EML1: variants seen among roughly 807,000 people sequenced by gnomAD.
EML1 encodes echinoderm microtubule-associated protein-like 1.
EML1 carries 27 observed loss-of-function variants against 110.4 expected under a neutral mutation model. The observed-to-expected ratio is 0.24, with a 90% CI of 0.18 to 0.34. The LOEUF is 0.34. EML1 is among the 10% of genes least tolerant of loss of function. The probability of loss-of-function intolerance (pLI) is 1.00; values close to 1 mark genes in which losing one functional copy is unlikely to be tolerated. For synonymous variants in EML1, 344 were observed against 385.8 expected (o/e 0.89, Z 1.27); for missense variants, 741 against 1,030.9 (o/e 0.72, Z 3.85).
chr14:99,758,471 G>T (rs977648939), intron 1 of EML1, among the ~76,000 whole-genome samples: 1 of 152,174 alleles, frequency 6.6e-6, no homozygotes, highest in African/African-American at 2.4e-5. Flanking sequence ...TGTGCAGCCT[G>T]GGGGTTCAGG....
intron 1 of EML1, among the ~76,000 whole-genome samples, chr14:99,820,616 G>A (rs1045484212): frequency 6.6e-6 from 1 of 152,204 alleles, no homozygotes; most frequent in South Asian, 2.1e-4. Context: ...TTATCCCAAT[G>A]TACTTTTTCT....
At chr14:99,883,934 T>C (rs1348346706) in intron 4 of EML1, among the ~76,000 whole-genome samples, 2 of 152,222 alleles carry the variant, frequency 1.3e-5, no homozygotes, top group Non-Finnish European at 2.9e-5. Flanking sequence ...AATGAATCTT[T>C]TTGCCCTGAT....
At chr14:99,849,493 G>T (rs1412828836) in intron 1 of EML1, among the ~76,000 whole-genome samples, 1 of 149,314 alleles carries the variant, frequency 6.7e-6, no homozygotes, top group South Asian at 2.1e-4. Context: ...TCTCATAATT[G>T]TGTGTGTGTA....
chr14:99,776,711 G>A (rs1284762161), intron 1 of EML1, among the ~76,000 whole-genome samples: 2 of 152,276 alleles, frequency 1.3e-5, no homozygotes, highest in African/African-American at 4.8e-5. Context: ...AATATTGGCC[G>A]TAAGTGAATT....
intron 1 of EML1, among the ~76,000 whole-genome samples, chr14:99,751,945 G>A (rs10148112): frequency 1.3e-5 from 2 of 151,982 alleles, no homozygotes; most frequent in East Asian, 1.9e-4. Flanking sequence ...TCCGTTTTAC[G>A]GGCACGTGGC....
intron 3 of EML1, among the ~76,000 whole-genome samples, chr14:99,872,214 T>G (rs867287783): frequency 6.6e-6 from 1 of 152,284 alleles, no homozygotes; most frequent in South Asian, 2.1e-4. Flanking sequence ...AACAGAGGCC[T>G]GGGTCTTACA....
At chr14:99,875,707 C>T (rs573753555) in intron 3 of EML1, among the ~76,000 whole-genome samples, 12 of 152,178 alleles carry the variant, frequency 7.9e-5, no homozygotes, top group Non-Finnish European at 1.6e-4. Context: ...GTACTAAAGA[C>T]TGGGCGGAGA....
intron 1 of EML1, among the ~76,000 whole-genome samples, chr14:99,817,580 A>T (rs572220837): frequency 1.6e-3 from 242 of 152,312 alleles, no homozygotes; most frequent in Non-Finnish European, 2.9e-3. Context: ...TAAGGACGTA[A>T]TTCTGACCTC....
At chr14:99,854,250 T>C (rs558095602) in intron 2 of EML1, among the ~76,000 whole-genome samples, 2 of 152,382 alleles carry the variant, frequency 1.3e-5, no homozygotes, top group East Asian at 3.9e-4. Context: ...GAGCCATAGA[T>C]AATCATTCTG....
chr14:99,841,315 C>T (rs2058628693), intron 1 of EML1, among the ~76,000 whole-genome samples: 1 of 152,118 alleles, frequency 6.6e-6, no homozygotes, highest in African/African-American at 2.4e-5. Flanking sequence ...CTCTTATAAA[C>T]AAAACAGGAA....
chr14:99,819,743 G>A (rs1251039993), intron 1 of EML1, among the ~76,000 whole-genome samples: 1 of 152,190 alleles, frequency 6.6e-6, no homozygotes, highest in Non-Finnish European at 1.5e-5. Context: ...AGGGGGAAAA[G>A]GCGGGTCTGC....
chr14:99,923,788 A>G (rs959680786), intron 17 of EML1, among the ~76,000 whole-genome samples: 2 of 152,190 alleles, frequency 1.3e-5, no homozygotes, highest in African/African-American at 4.8e-5. Flanking sequence ...TATAAATTTT[A>G]GGATCAGCTT....
At chr14:99,914,854 A>G (rs1248760607) in intron 15 of EML1, 157 bp downstream of exon 15, 3 of 972,602 alleles carry the variant, frequency 3.1e-6, no homozygotes, top group East Asian at 5.8e-5. Context: ...TGCATTTAAC[A>G]GTGTTACTTT....
intron 7 of EML1, 61 bp downstream of exon 7, chr14:99,897,355 G>A (rs1313993386): frequency 9.3e-6 from 14 of 1,504,242 alleles, no homozygotes; most frequent in East Asian, 2.4e-5. Context: ...GATCGCTTGA[G>A]GCCAGGAGTT....
At chr14:99,885,893 G>A (rs2059465210) in intron 4 of EML1, 1 of 455,754 alleles carries the variant, frequency 2.2e-6, no homozygotes, top group African/African-American at 2.0e-5. Flanking sequence ...TTAAGCTGGT[G>A]GAGGTGAAGC....
chr14:99,837,405 T>A (rs2058557743), intron 1 of EML1, among the ~76,000 whole-genome samples: 1 of 152,262 alleles, frequency 6.6e-6, no homozygotes, highest in Admixed American at 6.5e-5. Flanking sequence ...TTCTTTTAGC[T>A]GTTTAAGGTA....
chr14:99,808,196 G>A (rs774852582), intron 1 of EML1, among the ~76,000 whole-genome samples: 26 of 152,202 alleles, frequency 1.7e-4, no homozygotes, highest in Non-Finnish European at 3.1e-4. Flanking sequence ...ATCAGCTAGT[G>A]AGTTCCTTGA....
intron 17 of EML1, among the ~76,000 whole-genome samples, chr14:99,922,402 C>T (rs746025775): frequency 1.5e-4 from 23 of 152,174 alleles, no homozygotes; most frequent in Non-Finnish European, 2.9e-4. Flanking sequence ...AGGCGTGAGC[C>T]ACCGCACCCT....
intron 1 of EML1, among the ~76,000 whole-genome samples, chr14:99,778,779 C>CA: frequency 6.6e-6 from 1 of 152,132 alleles, no homozygotes; most frequent in Non-Finnish European, 1.5e-5. Flanking sequence ...TTTTTTCCCT[C>CA]AAAAATGTAT....
Sources: gnomAD v4.1 joint callset for allele counts (sites outside exome capture counted in the v4.1 genomes callset) on GRCh38, gnomAD v4.1.1 for gene constraint, MANE v1.5 for transcripts, NCBI Gene and HGNC (gene_info 2026-07-23, HGNC 2026-07-21) for gene names.